The following DMD variants were observed in gnomAD, a reference collection of about 807,000 sequenced individuals.
The protein encoded by DMD is dystrophin.
Under a neutral mutation model 330.1 loss-of-function variants are expected in DMD, and 63 were observed. The ratio of observed to expected loss-of-function variants is 0.19; its 90% CI spans 0.16 to 0.24. The LOEUF (loss-of-function observed/expected upper bound fraction) is 0.24. Among genes scored for constraint, DMD ranks in the 10% least tolerant of loss-of-function variants. The pLI, the probability that DMD is intolerant of heterozygous loss-of-function variation, is 1.00. For synonymous variants in DMD, 1,223 were observed against 959.8 expected, an observed-to-expected ratio of 1.27 and a Z score of -5.07; for missense variants, 3,344 against 2,684.1, an observed-to-expected ratio of 1.25 and a Z score of -5.43.
chrX:31,806,907 T>C (rs769743199), intron 50 of DMD, among the ~76,000 whole-genome samples: 7 of 112,521 alleles, frequency 6.2e-5, no homozygotes, highest in Admixed American at 1.9e-4. Flanking sequence ...CAGTGACTTT[T>C]AGTATTTTTA....
intron 47 of DMD, among the ~76,000 whole-genome samples, chrX:31,919,695 A>T (rs1421147927): frequency 8.9e-6 from 1 of 112,206 alleles, no homozygotes. Context: ...CAAACAATGA[A>T]ATGCTCTCGT....
chrX:32,573,391 C>A, intron 15 of DMD, 139 bp downstream of exon 15: 1 of 522,716 alleles, frequency 1.9e-6, no homozygotes, highest in South Asian at 3.1e-5. Context: ...AGAAAAGTAG[C>A]AATATAACAT....
intron 53 of DMD, among the ~76,000 whole-genome samples, chrX:31,670,061 T>A (rs1263663392): frequency 1.8e-5 from 2 of 111,932 alleles, no homozygotes; most frequent in African/African-American, 6.5e-5. Flanking sequence ...CATTTTTTGA[T>A]GCCATTGTAA....
In DMD at chrX:31,356,924, C is replaced by CT. The variant is rs58097229; in HGVS notation, c.9085-8291dup. 5.3e-3 allele frequency among the ~76,000 whole-genome samples: 390 copies of CT among 74,244 alleles called. 3 individuals are homozygous for CT. The highest frequency in any genetic ancestry group is 7.7e-3 in the Non-Finnish European group (299 of 38,949). 64.5% of individuals were successfully genotyped at this position (74,244 alleles called of 115,157 possible). On this transcript the variant is annotated intron_variant, in intron 60 of 78. Transcript: ENST00000357033. ...AGATCATAGGAAGCATTTCTTCTGC[C>CT]TTTTTTTTTTTTTTTTTTTTTGGTC...
intron 43 of DMD, among the ~76,000 whole-genome samples, chrX:32,231,593 T>C (rs1240047310): frequency 1.8e-5 from 2 of 111,958 alleles, no homozygotes; most frequent in Non-Finnish European, 3.8e-5. Flanking sequence ...ACTGAAACAA[T>C]TCACTTTTTA....
intron 1 of DMD, among the ~76,000 whole-genome samples, chrX:33,038,503 T>A (rs16990862): frequency 0.06 from 6,660 of 111,572 alleles, 483 homozygotes; most frequent in African/African-American, 0.2. Flanking sequence ...GAGCCCGGCA[T>A]TGGTAGACAT....
At chrX:32,585,569 A>G (rs748425698) in intron 13 of DMD, among the ~76,000 whole-genome samples, 6 of 106,984 alleles carry the variant, frequency 5.6e-5, no homozygotes, top group South Asian at 4.2e-4. Context: ...GCGTGGTGGC[A>G]GGCGCCTGCA....
intron 55 of DMD, among the ~76,000 whole-genome samples, chrX:31,580,791 C>G (rs181331104): frequency 9.0e-6 from 1 of 111,711 alleles, no homozygotes; most frequent in African/African-American, 3.3e-5. Flanking sequence ...AAGCTACAAG[C>G]TTAAATAATT....
chrX:32,730,514 G>C (rs1211816377), intron 7 of DMD, among the ~76,000 whole-genome samples: 2 of 112,076 alleles, frequency 1.8e-5, no homozygotes, highest in Admixed American at 9.5e-5. Context: ...CCATAGGACA[G>C]AAGAGTGTCT....
At chrX:32,713,172 C>A (rs1569481005) in intron 7 of DMD, among the ~76,000 whole-genome samples, 3 of 111,900 alleles carry the variant, frequency 2.7e-5, no homozygotes, top group Non-Finnish European at 3.8e-5. Flanking sequence ...TAACTGTACT[C>A]ACGCATTTAC....
intron 27 of DMD, 47 bp from the exon 28 acceptor site, chrX:32,441,361 T>A (rs903778751): frequency 1.7e-6 from 2 of 1,157,948 alleles, no homozygotes; most frequent in Non-Finnish European, 2.3e-6. Flanking sequence ...GGTAGAAAAG[T>A]AAATGTGAAA....
chrX:32,136,552 T>TAAACA (rs59128114), intron 44 of DMD, among the ~76,000 whole-genome samples: 98 of 100,571 alleles, frequency 9.7e-4, no homozygotes, highest in Middle Eastern at 5.1e-3. Flanking sequence ...CAACAGAGAT[T>TAAACA]AAACAAAACA....
intron 30 of DMD, among the ~76,000 whole-genome samples, chrX:32,396,377 T>G (rs764441976): frequency 9.0e-6 from 1 of 111,685 alleles, no homozygotes; most frequent in Non-Finnish European, 1.9e-5. Flanking sequence ...TTTATCATAA[T>G]GTATAGGCAT....
intron 44 of DMD, among the ~76,000 whole-genome samples, chrX:32,085,321 G>T (rs1462106452): frequency 1.8e-5 from 2 of 109,029 alleles, no homozygotes; most frequent in East Asian, 5.8e-4. Context: ...AATGTAAGGG[G>T]TACAAGTGCA....
intron 21 of DMD, among the ~76,000 whole-genome samples, chrX:32,482,525 T>G (rs1432325477): frequency 1.8e-5 from 2 of 112,039 alleles, no homozygotes; most frequent in Non-Finnish European, 3.8e-5. Context: ...TGTATGGATG[T>G]GCCCATTTTC....
chrX:31,461,670 G>A (rs2149167756), intron 59 of DMD, among the ~76,000 whole-genome samples: 1 of 111,265 alleles, frequency 9.0e-6, no homozygotes, highest in East Asian at 2.8e-4. Context: ...TCATGGTAGG[G>A]TGGAGGGTAG....
chrX:31,228,316 C>G (rs968053163), intron 63 of DMD, among the ~76,000 whole-genome samples: 2 of 107,034 alleles, frequency 1.9e-5, no homozygotes, highest in African/African-American at 6.8e-5. Context: ...AAACGTTTAG[C>G]TTCCATCACA....
At chrX:32,318,376 C>T (rs1353680271) in intron 41 of DMD, among the ~76,000 whole-genome samples, 1 of 111,317 alleles carries the variant, frequency 9.0e-6, no homozygotes, top group Non-Finnish European at 1.9e-5. Flanking sequence ...GCAGGTGAGA[C>T]GGGTATGGTT....
At position 33,190,952 on chromosome X, in the gene DMD, ATT is replaced by A. The variant is rs2050570218; in HGVS notation, c.31+20328_31+20329del. Among the ~76,000 whole-genome samples the A allele has an allele frequency of 3.2e-3, 5 of 1,557 alleles. 1 individual carries two copies. Among genetic ancestry groups the A allele is most frequent in the South Asian group, 0.026 (1 of 38 alleles). The allele number at this position is 1,557 out of a possible 115,157, so 1.4% of individuals were successfully genotyped here. On this transcript the variant is annotated intron_variant, in intron 1 of 78. Coordinates refer to ENST00000357033, the MANE Select transcript of DMD (RefSeq NM_004006.3). Reference sequence around the variant, plus strand: ...ATTATATATATATATAATATATAATATTATATATATATATAATATATAATATT... The same window carrying A: ...ATTATATATATATATAATATATAATAATATATATATATAATATATAATATT...
Sources: gnomAD v4.1 joint callset for allele counts (sites outside exome capture counted in the v4.1 genomes callset) on GRCh38, gnomAD v4.1.1 for gene constraint, MANE v1.5 for transcripts, NCBI Gene and HGNC (gene_info 2026-07-23, HGNC 2026-07-21) for gene names.